The following TCERG1L variants were observed in gnomAD, a reference collection of about 807,000 sequenced individuals.
TCERG1L encodes the protein transcription elongation regulator 1 like.
TCERG1L carries 37 observed loss-of-function variants against 56.3 expected under a neutral mutation model. The ratio of observed to expected loss-of-function variants is 0.66; its 90% CI spans 0.51 to 0.87. The LOEUF (loss-of-function observed/expected upper bound fraction) is 0.87, where lower values mean the gene tolerates loss of function less well. Among genes scored for constraint, TCERG1L ranks in the 40% least tolerant of loss-of-function variants. TCERG1L has a pLI of 0.00. For synonymous variants in TCERG1L, 324 were observed against 326.3 expected (o/e 0.99, Z 0.08); for missense variants, 799 against 774.2 (o/e 1.03, Z -0.38).
At chr10:131,151,069 G>A (rs747909021) in intron 6 of TCERG1L, among the ~76,000 whole-genome samples, 4 of 152,124 alleles carry the variant, frequency 2.6e-5, no homozygotes, top group Admixed American at 6.5e-5. Context: ...CTTGACACAC[G>A]GGGATTACCA....
intron 3 of TCERG1L, among the ~76,000 whole-genome samples, chr10:131,286,671 T>G (rs1379705400): frequency 6.6e-6 from 1 of 152,250 alleles, no homozygotes; most frequent in Non-Finnish European, 1.5e-5. Flanking sequence ...CCTTTAGCTA[T>G]TCTCATAAGA....
chr10:131,266,448 T>C (rs1846287168), intron 3 of TCERG1L, among the ~76,000 whole-genome samples: 1 of 152,172 alleles, frequency 6.6e-6, no homozygotes, highest in Non-Finnish European at 1.5e-5. Context: ...ACCAGGTGCG[T>C]TGTCAATGAG....
chr10:131,252,658 TC>T (rs1389293497), intron 4 of TCERG1L, among the ~76,000 whole-genome samples: 1 of 152,082 alleles, frequency 6.6e-6, no homozygotes. Context: ...CTCTACCGAG[TC>T]CTGAAACACA....
At chr10:131,093,355 G>GTTGCTCTCTGGA in intron 11 of TCERG1L, 37 bp from the exon 12 acceptor site, 1 of 1,608,432 alleles carries the variant, frequency 6.2e-7, no homozygotes, top group Non-Finnish European at 8.5e-7. Flanking sequence ...ACCTTCCAGA[G>GTTGCTCTCTGGA]AGCAACTCTG....
intron 11 of TCERG1L, among the ~76,000 whole-genome samples, chr10:131,096,883 CAAAA>C (rs35527542): frequency 3.7e-5 from 5 of 134,728 alleles, no homozygotes; most frequent in Non-Finnish European, 6.4e-5. Flanking sequence ...GACTCCATCT[CAAAA>C]AAAAAAAAAA....
At chr10:131,148,189 T>C (rs11017757) in intron 6 of TCERG1L, among the ~76,000 whole-genome samples, 10,264 of 152,272 alleles carry the variant, frequency 0.067, 439 homozygotes, top group Middle Eastern at 0.14. Flanking sequence ...GATGGGGGAA[T>C]AGCCTGGTCA....
chr10:131,180,541 A>G (rs1024601606), intron 4 of TCERG1L, among the ~76,000 whole-genome samples: 1 of 152,204 alleles, frequency 6.6e-6, no homozygotes, highest in Non-Finnish European at 1.5e-5. Context: ...CATTTATTTT[A>G]GGCTACCATC....
chr10:131,193,913 G>C (rs1248594233), intron 4 of TCERG1L, among the ~76,000 whole-genome samples: 1 of 152,182 alleles, frequency 6.6e-6, no homozygotes, highest in African/African-American at 2.4e-5. Context: ...ACAGCCCTGT[G>C]TACCCCTCAC....
At chr10:131,135,752 C>T (rs1845668980) in intron 7 of TCERG1L, among the ~76,000 whole-genome samples, 1 of 152,222 alleles carries the variant, frequency 6.6e-6, no homozygotes, top group Non-Finnish European at 1.5e-5. Context: ...ATGTATCTGC[C>T]CTGTACCTTC....
intron 4 of TCERG1L, among the ~76,000 whole-genome samples, chr10:131,218,468 C>T (rs80199399): frequency 0.071 from 10,849 of 151,976 alleles, 616 homozygotes; most frequent in African/African-American, 0.16. Context: ...AGAGCCAGAT[C>T]GCTTCTGCGA....
At chr10:131,263,911 G>A (rs562728406) in intron 3 of TCERG1L, among the ~76,000 whole-genome samples, 19 of 152,198 alleles carry the variant, frequency 1.2e-4, no homozygotes, top group Non-Finnish European at 1.8e-4. Flanking sequence ...GCCTCTGAGT[G>A]AGCGCAAAAG....
rs533371871 is a variant in TCERG1L at position 131,102,293 on chromosome 10, C to T, written c.1485+1972G>A. Among the ~76,000 whole-genome samples, 5 of 152,278 alleles carry T rather than the reference C, an allele frequency of 3.3e-5. No homozygotes were observed. In the South Asian group the frequency reaches 1.0e-3, roughly 32 times the overall value. ...TCAATCCCGGGAACACGTCACACTG[C>T]CCGGCCTACCCCTGAGCCTGCTCCA... is the stretch of plus-strand genomic sequence containing the variant. On this transcript the variant is annotated intron_variant, in intron 10 of 11. Coordinates refer to ENST00000368642, the MANE Select transcript of TCERG1L (RefSeq NM_174937.4).
intron 7 of TCERG1L, among the ~76,000 whole-genome samples, chr10:131,145,775 G>C (rs1030277647): frequency 5.3e-5 from 8 of 152,240 alleles, no homozygotes; most frequent in Admixed American, 1.3e-4. Flanking sequence ...AGGCATCTCT[G>C]CCTCTCAAGT....
chr10:131,257,116 G>A (rs578249552), intron 4 of TCERG1L, among the ~76,000 whole-genome samples: 2 of 152,098 alleles, frequency 1.3e-5, no homozygotes, highest in Non-Finnish European at 2.9e-5. Flanking sequence ...GCTCTGCCCG[G>A]CCTATCAACG....
chr10:131,201,270 C>G (rs1424107777), intron 4 of TCERG1L, among the ~76,000 whole-genome samples: 2 of 152,204 alleles, frequency 1.3e-5, no homozygotes, highest in African/African-American at 4.8e-5. Flanking sequence ...TCCCTTCCCC[C>G]AGCTGGGTCC....
intron 4 of TCERG1L, among the ~76,000 whole-genome samples, chr10:131,168,668 C>G (rs114271554): frequency 6.6e-6 from 1 of 152,214 alleles, no homozygotes; most frequent in Non-Finnish European, 1.5e-5. Context: ...CTCTTTCACT[C>G]TGCACAGCGC....
intron 3 of TCERG1L, among the ~76,000 whole-genome samples, chr10:131,287,359 T>C (rs1281440091): frequency 6.6e-6 from 1 of 152,234 alleles, no homozygotes; most frequent in Non-Finnish European, 1.5e-5. Context: ...GGCAAATTGA[T>C]TCATTATTTT....
chr10:131,229,207 G>A (rs183842802), intron 4 of TCERG1L, among the ~76,000 whole-genome samples: 212 of 152,268 alleles, frequency 1.4e-3, no homozygotes, highest in Admixed American at 4.9e-3. Flanking sequence ...CAAGGACTCC[G>A]GAGTCTCCCC....
At chr10:131,280,195 G>A (rs1218703101) in intron 3 of TCERG1L, among the ~76,000 whole-genome samples, 1 of 151,990 alleles carries the variant, frequency 6.6e-6, no homozygotes, top group Non-Finnish European at 1.5e-5. Context: ...TGGTAGATAA[G>A]AGAGGAATGG....
Sources: allele counts gnomAD v4.1 joint callset (sites outside exome capture counted in the v4.1 genomes callset), GRCh38; gene constraint gnomAD v4.1.1; transcripts MANE v1.5; gene names NCBI Gene and HGNC (gene_info 2026-07-23, HGNC 2026-07-21).